The following GRM7 variants were observed in gnomAD, a reference collection of about 807,000 sequenced individuals.
GRM7 encodes the protein metabotropic glutamate receptor 7.
A neutral mutation model predicts 84.5 loss-of-function variants in GRM7; 35 were observed. That is an observed-to-expected ratio of 0.41 (90% CI 0.32 to 0.55). The LOEUF (loss-of-function observed/expected upper bound fraction) is 0.55, where lower values mean the gene tolerates loss of function less well. Among genes scored for constraint, GRM7 ranks in the 20% least tolerant of loss-of-function variants. The pLI is 0.19. For missense variants in GRM7, 1,003 were observed against 1,194.6 expected (o/e 0.84, Z 2.36); for synonymous variants, 487 against 455.1 (o/e 1.07, Z -0.89).
At chr3:7,525,866 G>A (rs934720544) in intron 7 of GRM7, among the ~76,000 whole-genome samples, 2 of 152,146 alleles carry the variant, frequency 1.3e-5, no homozygotes, top group Non-Finnish European at 2.9e-5. Context: ...CTCCATCCAT[G>A]TTCCTGCAAG....
chr3:7,114,070 T>G (rs1574921744), intron 1 of GRM7, among the ~76,000 whole-genome samples: 1 of 152,296 alleles, frequency 6.6e-6, no homozygotes, highest in East Asian at 1.9e-4. Context: ...ATACTGAAAT[T>G]TTTAAAATCA....
At chr3:7,069,525 A>G (rs1454595547) in intron 1 of GRM7, among the ~76,000 whole-genome samples, 2 of 152,216 alleles carry the variant, frequency 1.3e-5, no homozygotes, top group East Asian at 3.9e-4. Context: ...AGAATTAAGG[A>G]TGGAGGGGAA....
intron 4 of GRM7, among the ~76,000 whole-genome samples, chr3:7,390,804 G>GTT (rs200731432): frequency 3.4e-4 from 51 of 150,406 alleles, no homozygotes; most frequent in African/African-American, 1.2e-3. Context: ...GTCTGGTTGA[G>GTT]TTTTTTTTTG....
In GRM7 at chr3:6,861,287, C is replaced by T; in HGVS notation, c.-102C>T. The T allele has an allele frequency of 9.2e-7, 1 of 1,088,266 alleles. No homozygotes were observed. The allele number at this position is 1,088,266 out of a possible 1,614,324, so 67.4% of individuals were successfully genotyped here. On this transcript the variant is annotated 5_prime_UTR_variant, in exon 1 of 10. Transcript: ENST00000357716. The surrounding 1 kb of genome is among the most constrained non-coding windows in gnomAD (Gnocchi z 6.4). Reference sequence around the variant, plus strand: ...CCACCCTCCGTGCCTGCAGGAGCCCCTGGGCTTTCCCGGAGGAGCTCGCCC... The same window carrying T: ...CCACCCTCCGTGCCTGCAGGAGCCCTTGGGCTTTCCCGGAGGAGCTCGCCC...
chr3:7,303,043 C>A (rs936165287), intron 3 of GRM7, among the ~76,000 whole-genome samples: 1 of 150,520 alleles, frequency 6.6e-6, no homozygotes, highest in African/African-American at 2.5e-5. Flanking sequence ...CGGGTTCATG[C>A]CATTCTCCTG....
At chr3:6,894,889 A>G (rs1696118262) in intron 1 of GRM7, among the ~76,000 whole-genome samples, 1 of 152,198 alleles carries the variant, frequency 6.6e-6, no homozygotes, top group Admixed American at 6.5e-5. Context: ...TATTTTCTCT[A>G]GGAGATGGAA....
intron 7 of GRM7, among the ~76,000 whole-genome samples, chr3:7,509,688 A>G (rs1446447796): frequency 6.6e-6 from 1 of 152,174 alleles, no homozygotes; most frequent in Admixed American, 6.5e-5. Context: ...ATGTTTCTTT[A>G]GTAGCACTTT....
intron 1 of GRM7, among the ~76,000 whole-genome samples, chr3:7,034,519 G>GTATA (rs1336974183): frequency 6.6e-6 from 1 of 152,050 alleles, no homozygotes; most frequent in Non-Finnish European, 1.5e-5. Context: ...ATATGTTTGT[G>GTATA]TATATGTACA....
chr3:7,709,900 T>C (rs1266597643), intron 9 of GRM7, among the ~76,000 whole-genome samples: 3 of 151,994 alleles, frequency 2.0e-5, no homozygotes, highest in African/African-American at 7.2e-5. Context: ...CACCTTTCAT[T>C]CCCCATACGT....
At chr3:7,243,534 A>T (rs1559523139) in intron 2 of GRM7, among the ~76,000 whole-genome samples, 1 of 151,848 alleles carries the variant, frequency 6.6e-6, no homozygotes, top group Non-Finnish European at 1.5e-5. Flanking sequence ...TTCTATAAAA[A>T]CTCTTCTGAC....
chr3:7,641,079 A>G (rs548797533), intron 8 of GRM7, among the ~76,000 whole-genome samples: 1 of 152,306 alleles, frequency 6.6e-6, no homozygotes, highest in South Asian at 2.1e-4. Context: ...GAATAAATTA[A>G]TCATTAACCA....
At chr3:6,922,410 A>G (rs889612604) in intron 1 of GRM7, among the ~76,000 whole-genome samples, 6 of 152,220 alleles carry the variant, frequency 3.9e-5, no homozygotes, top group African/African-American at 1.4e-4. Flanking sequence ...ATGGCCTAGC[A>G]TTCTCCAACT....
chr3:7,555,077 G>A (rs1219058800), intron 7 of GRM7, among the ~76,000 whole-genome samples: 3 of 152,096 alleles, frequency 2.0e-5, no homozygotes, highest in Non-Finnish European at 4.4e-5. Flanking sequence ...GGGTACTTTG[G>A]GTTAATTTGC....
Position 7,114,223 on chromosome 3 carries a change from G to A in GRM7, c.520-32229G>A, listed in dbSNP as rs75103015. ...ACAATAGCACATACTTACTAGAAGT[G>A]GAACTTGCTGTCAGGCTACTTAACA... On this transcript the variant is annotated intron_variant, in intron 1 of 9. Transcript: ENST00000357716. Among the ~76,000 whole-genome samples the A allele has an allele frequency of 3.3e-5, 5 of 152,294 alleles. No individual in the cohort carries two copies. The East Asian group carries it at 9.7e-4, about 29-fold the overall frequency.
At chr3:7,001,557 C>G (rs751238245) in intron 1 of GRM7, among the ~76,000 whole-genome samples, 18 of 152,184 alleles carry the variant, frequency 1.2e-4, no homozygotes, top group Non-Finnish European at 1.8e-4. Flanking sequence ...ATATGAAGAA[C>G]AGCTTGTTTC....
chr3:7,173,129 C>A (rs1695038514), intron 2 of GRM7, among the ~76,000 whole-genome samples: 1 of 152,140 alleles, frequency 6.6e-6, no homozygotes, highest in East Asian at 1.9e-4. Flanking sequence ...AGTAACAGAG[C>A]CAGTATTTAA....
chr3:7,058,366 A>G (rs935762783), intron 1 of GRM7, among the ~76,000 whole-genome samples: 4 of 151,910 alleles, frequency 2.6e-5, no homozygotes, highest in East Asian at 1.9e-4. Context: ...TTTTTTAACC[A>G]TGTTAATTGG....
chr3:7,702,739 C>T (rs907480080), intron 9 of GRM7, among the ~76,000 whole-genome samples: 3 of 152,188 alleles, frequency 2.0e-5, no homozygotes, highest in African/African-American at 7.2e-5. Context: ...TTACAGGCTA[C>T]AGATTTTCAT....
intron 9 of GRM7, among the ~76,000 whole-genome samples, chr3:7,709,528 G>C (rs913165889): frequency 3.9e-5 from 6 of 152,142 alleles, no homozygotes; most frequent in African/African-American, 1.4e-4. Context: ...AATACAGAAA[G>C]TGGAGCCTCA....
Sources: allele counts gnomAD v4.1 joint callset (sites outside exome capture counted in the v4.1 genomes callset), GRCh38; gene constraint gnomAD v4.1.1; non-coding constraint Gnocchi (gnomAD v3.1); transcripts MANE v1.5; gene names NCBI Gene and HGNC (gene_info 2026-07-23, HGNC 2026-07-21).